The following CDH12 variants were observed in gnomAD, a reference collection of about 807,000 sequenced individuals.
CDH12 encodes cadherin-12.
CDH12 carries 41 observed loss-of-function variants against 74.1 expected under a neutral mutation model. That is an observed-to-expected ratio of 0.55 (90% CI 0.43 to 0.72). CDH12 has a LOEUF of 0.72. Ranked by LOEUF, CDH12 falls within the 30% of genes least tolerant of loss-of-function variation. The pLI is 0.00. For missense variants in CDH12, 945 were observed against 977.2 expected (o/e 0.97, Z 0.44); for synonymous variants, 399 against 355.0 (o/e 1.12, Z -1.39).
intron 5 of CDH12, among the ~76,000 whole-genome samples, chr5:22,065,593 A>C (rs553080299): frequency 6.6e-6 from 1 of 152,078 alleles, no homozygotes; most frequent in Non-Finnish European, 1.5e-5. Flanking sequence ...TTCTTATTTA[A>C]TATCTATTTA....
chr5:22,034,530 G>A (rs1045661770), intron 5 of CDH12, among the ~76,000 whole-genome samples: 3 of 152,062 alleles, frequency 2.0e-5, no homozygotes, highest in Admixed American at 6.6e-5. Context: ...AAGATCCCAC[G>A]ACCAGCTGAA....
At chr5:22,224,510 G>A (rs1752128674) in intron 3 of CDH12, among the ~76,000 whole-genome samples, 1 of 152,018 alleles carries the variant, frequency 6.6e-6, no homozygotes, top group Non-Finnish European at 1.5e-5. Flanking sequence ...TAAAGGGCAA[G>A]GTGAAAATGT....
intron 1 of CDH12, among the ~76,000 whole-genome samples, chr5:22,700,823 G>A (rs1742675778): frequency 6.6e-6 from 1 of 152,138 alleles, no homozygotes; most frequent in Admixed American, 6.6e-5. Flanking sequence ...ATATAAAGTA[G>A]TCCTTAACTT....
intron 3 of CDH12, among the ~76,000 whole-genome samples, chr5:22,341,568 T>C (rs530940501): frequency 6.6e-6 from 1 of 152,274 alleles, no homozygotes; most frequent in African/African-American, 2.4e-5. Context: ...AGCTCACTAT[T>C]CCTTCGTAGG....
At chr5:22,136,289 G>A (rs1746456685) in intron 4 of CDH12, among the ~76,000 whole-genome samples, 1 of 151,978 alleles carries the variant, frequency 6.6e-6, no homozygotes, top group South Asian at 2.1e-4. Context: ...GACATCTAGG[G>A]GAAGAGTTCC....
chr5:22,583,091 C>T (rs1740187778), intron 1 of CDH12, among the ~76,000 whole-genome samples: 1 of 152,090 alleles, frequency 6.6e-6, no homozygotes, highest in Admixed American at 6.6e-5. Flanking sequence ...CACAGAGTAC[C>T]AACAGCATCC....
At chr5:22,666,145 T>A (rs1740602134) in intron 1 of CDH12, among the ~76,000 whole-genome samples, 1 of 152,108 alleles carries the variant, frequency 6.6e-6, no homozygotes, top group South Asian at 2.1e-4. Flanking sequence ...TGGACCCAAT[T>A]CCAATGCAGT....
chr5:22,416,008 C>T (rs1456430142), intron 2 of CDH12, among the ~76,000 whole-genome samples: 2 of 146,900 alleles, frequency 1.4e-5, no homozygotes, highest in East Asian at 2.0e-4. Context: ...ATGGTAAAAA[C>T]TGTTCCCTGT....
At chr5:22,765,296 G>A (rs1561838) in intron 1 of CDH12, among the ~76,000 whole-genome samples, 127,541 of 151,876 alleles carry the variant, frequency 0.84, 53,765 homozygotes, top group East Asian at 0.99. Context: ...GAATAAAAGT[G>A]TCTACTAAAT....
chr5:22,441,356 G>T (rs78345433), intron 2 of CDH12, among the ~76,000 whole-genome samples: 2 of 152,114 alleles, frequency 1.3e-5, no homozygotes, highest in African/African-American at 4.8e-5. Context: ...GTTCCAGAGG[G>T]TAGCTTGCAT....
At chr5:22,605,647 G>A (rs1737073374) in intron 1 of CDH12, among the ~76,000 whole-genome samples, 1 of 152,190 alleles carries the variant, frequency 6.6e-6, no homozygotes, top group Admixed American at 6.5e-5. Context: ...CCCCAGCTGG[G>A]CACATGGAGG....
intron 5 of CDH12, among the ~76,000 whole-genome samples, chr5:22,027,538 C>T (rs1738452008): frequency 6.6e-6 from 1 of 152,094 alleles, no homozygotes; most frequent in African/African-American, 2.4e-5. Flanking sequence ...CTGGTTTAGT[C>T]TTGGGAGGGT....
intron 6 of CDH12, among the ~76,000 whole-genome samples, chr5:21,970,799 C>T: frequency 8.1e-6 from 1 of 123,412 alleles, no homozygotes; most frequent in Admixed American, 1.0e-4. Context: ...AAGACCATAC[C>T]ACTACACTCC....
chr5:22,288,125 A>G (rs764256223), intron 3 of CDH12, among the ~76,000 whole-genome samples: 1 of 152,184 alleles, frequency 6.6e-6, no homozygotes, highest in Non-Finnish European at 1.5e-5. Context: ...TTCCATGATT[A>G]AAATGTCTAA....
intron 1 of CDH12, among the ~76,000 whole-genome samples, chr5:22,832,036 G>T (rs998970334): frequency 2.0e-5 from 3 of 152,284 alleles, no homozygotes; most frequent in African/African-American, 7.2e-5. Flanking sequence ...CCAAGTCACA[G>T]ATTTTCATGA....
At chr5:22,602,193 C>A (rs1159767226) in intron 1 of CDH12, among the ~76,000 whole-genome samples, 4 of 152,042 alleles carry the variant, frequency 2.6e-5, no homozygotes, top group African/African-American at 7.2e-5. Context: ...GGCGAGACTT[C>A]TCTCACCTAT....
intron 5 of CDH12, among the ~76,000 whole-genome samples, chr5:22,049,867 T>C (rs1001583071): frequency 6.6e-6 from 1 of 152,146 alleles, no homozygotes; most frequent in Non-Finnish European, 1.5e-5. Context: ...GTTTAATCCA[T>C]ATTCGATGTA....
At chr5:22,677,717 C>T (rs1010839003) in intron 1 of CDH12, among the ~76,000 whole-genome samples, 48 of 152,236 alleles carry the variant, frequency 3.2e-4, no homozygotes, top group African/African-American at 1.1e-3. Flanking sequence ...CTCCCAAAGG[C>T]TGCTTGTATA....
rs190027435 is a variant in CDH12 at position 21,788,732 on chromosome 5, G to A, written c.1257-5238C>T. 3.4e-3 allele frequency among the ~76,000 whole-genome samples: 517 copies of A among 152,044 alleles called. 3 individuals carry two copies. The highest frequency in any genetic ancestry group is 0.011 in the African/African-American group (477 of 41,488). On this transcript the variant is annotated intron_variant, in intron 10 of 14. Transcript: ENST00000382254. ...TTTATCACTTTCTCTCTTCTCATGA[G>A]CACATGAGTTTTTGTAGAATCAAGG... is the stretch of plus-strand genomic sequence containing the variant.
Sources: allele counts gnomAD v4.1 joint callset (sites outside exome capture counted in the v4.1 genomes callset), GRCh38; gene constraint gnomAD v4.1.1; transcripts MANE v1.5; gene names NCBI Gene and HGNC (gene_info 2026-07-23, HGNC 2026-07-21).